PKNOX2: variants seen among roughly 807,000 people sequenced by gnomAD.
PKNOX2 encodes the protein PBX/knotted 1 homeobox 2.
A neutral mutation model predicts 53.1 loss-of-function variants in PKNOX2; 14 were observed. The observed-to-expected ratio is 0.26, with a 90% CI of 0.17 to 0.41. The LOEUF is 0.41. Ranked by LOEUF, PKNOX2 falls within the 10% of genes least tolerant of loss-of-function variation. PKNOX2 has a pLI of 1.00. For missense variants in PKNOX2, 496 were observed against 602.8 expected (o/e 0.82, Z 1.85); for synonymous variants, 257 against 242.8 (o/e 1.06, Z -0.54).
intron 2 of PKNOX2, among the ~76,000 whole-genome samples, chr11:125,308,815 G>A (rs552502449): frequency 6.6e-6 from 1 of 152,162 alleles, no homozygotes; most frequent in Admixed American, 6.5e-5. Flanking sequence ...AGGGGAAATT[G>A]GTCTCTCTGT....
chr11:125,221,899 C>A (rs1030341763), intron 1 of PKNOX2, among the ~76,000 whole-genome samples: 1 of 152,194 alleles, frequency 6.6e-6, no homozygotes, highest in Non-Finnish European at 1.5e-5. Flanking sequence ...ACTGCCCGCC[C>A]GGGCTGTAGA....
chr11:125,199,426 A>G (rs897506377), intron 1 of PKNOX2, among the ~76,000 whole-genome samples: 1 of 152,222 alleles, frequency 6.6e-6, no homozygotes, highest in Non-Finnish European at 1.5e-5. Context: ...ATTCAGTGCT[A>G]ATTAAATATA....
intron 2 of PKNOX2, among the ~76,000 whole-genome samples, chr11:125,253,329 A>G (rs967799900): frequency 4.7e-4 from 71 of 152,164 alleles, no homozygotes; most frequent in Non-Finnish European, 1.6e-4. Context: ...AGGCACAGGG[A>G]GAAGTACGCA....
intron 6 of PKNOX2, among the ~76,000 whole-genome samples, chr11:125,387,496 A>G (rs1291154076): frequency 6.6e-6 from 1 of 152,072 alleles, no homozygotes; most frequent in Admixed American, 6.6e-5. Flanking sequence ...CAGCCTGGAA[A>G]ACGCCCAGGT....
At chr11:125,395,695 C>T (rs1292356521) in intron 6 of PKNOX2, among the ~76,000 whole-genome samples, 1 of 152,160 alleles carries the variant, frequency 6.6e-6, no homozygotes, top group Non-Finnish European at 1.5e-5. Context: ...AATATCTTCT[C>T]TTGTGCTTAT....
chr11:125,364,415 G>T (rs1445218379), intron 4 of PKNOX2, among the ~76,000 whole-genome samples: 1 of 152,070 alleles, frequency 6.6e-6, no homozygotes, highest in African/African-American at 2.4e-5. Flanking sequence ...GACCATTTTT[G>T]ATTTACATTT....
In PKNOX2 at chr11:125,165,201, A is replaced by G. The variant is rs889549644; in HGVS notation, c.-201+425A>G. Among the ~76,000 whole-genome samples the G allele has an allele frequency of 1.3e-5, 2 of 150,958 alleles. No individual in the cohort carries two copies. Among genetic ancestry groups the G allele is most frequent in the Non-Finnish European group, 3.0e-5 (2 of 67,724 alleles). ...CGCTTGGGCCCGTGGCCGGCCGCGC[A>G]TTGTCCTCGGGTGCAAGGAGCCGGG... On this transcript the variant is annotated intron_variant, in intron 1 of 12. Coordinates refer to ENST00000298282, the MANE Select transcript of PKNOX2 (RefSeq NM_001382323.2). The surrounding 1 kb of genome is among the most constrained non-coding windows in gnomAD (Gnocchi z 4.5).
chr11:125,408,802 C>T (rs1012701569), intron 7 of PKNOX2, among the ~76,000 whole-genome samples: 2 of 152,142 alleles, frequency 1.3e-5, no homozygotes, highest in African/African-American at 4.8e-5. Flanking sequence ...CAGTCACTGG[C>T]TCGAGGTTTC....
rs1426220977 is a variant in PKNOX2, at chr11:125,370,513, T to G, written c.227+2528T>G. Among the ~76,000 whole-genome samples the G allele has an allele frequency of 6.6e-6, 1 of 152,234 alleles. No individual in the cohort carries two copies. Among genetic ancestry groups the G allele is most frequent in the African/African-American group, 2.4e-5 (1 of 41,462 alleles). On this transcript the variant is annotated intron_variant, in intron 5 of 12. Coordinates refer to ENST00000298282, the MANE Select transcript of PKNOX2 (RefSeq NM_001382323.2). The surrounding 1 kb of genome is among the most constrained non-coding windows in gnomAD (Gnocchi z 4.1). ...GCTAACCACCCGCAACCCTTGGTGT[T>G]TGCCCAAAGTATGTCTGCAGCTGTC... is the stretch of plus-strand genomic sequence containing the variant.
At position 125,430,027 on chromosome 11, in the gene PKNOX2, C is replaced by G; in HGVS notation, c.1078C>G (p.Pro360Ala). The stretch of plus-strand genomic sequence containing the variant: ...TGATGCCAGCAACCCAGATCCTGCC[C>G]CCAAAGCCAAGAAGATCAAGTCTCA... Reference protein sequence around the residue: ...MLDASNPDPAPKAKKIKSQHR... With the variant: ...MLDASNPDPAAKAKKIKSQHR... Residue 360 changes from proline (P) to alanine (A), a missense_variant, in exon 12 of 13, where the codon CCC becomes GCC. Pro to Ala is a conservative substitution (Grantham distance 27). Around this residue, in one of 5 missense-constraint regions of PKNOX2, gnomAD observed 139 missense variants for 161.3 expected, o/e 0.86. Transcript: ENST00000298282. The G allele has an allele frequency of 6.2e-7, 1 of 1,614,184 alleles. No homozygotes were observed. Among genetic ancestry groups the G allele is most frequent in the Non-Finnish European group, 8.5e-7 (1 of 1,180,026 alleles).
intron 2 of PKNOX2, among the ~76,000 whole-genome samples, chr11:125,235,811 G>A (rs1942626798): frequency 6.6e-6 from 1 of 152,160 alleles, no homozygotes; most frequent in African/African-American, 2.4e-5. Flanking sequence ...CCCCACCTCT[G>A]GCTGTCACAT....
chr11:125,220,262 T>C (rs1446364501), intron 1 of PKNOX2, among the ~76,000 whole-genome samples: 1 of 152,208 alleles, frequency 6.6e-6, no homozygotes, highest in African/African-American at 2.4e-5. Context: ...TCTTACACTT[T>C]TTGATTTTTG....
At chr11:125,213,228 T>C (rs601589) in intron 1 of PKNOX2, among the ~76,000 whole-genome samples, 106,270 of 151,316 alleles carry the variant, frequency 0.7, 37,636 homozygotes, top group East Asian at 0.77. Flanking sequence ...TGCCACCTCT[T>C]CCTGCCCTTT....
chr11:125,350,942 C>T (rs973026171), intron 3 of PKNOX2, among the ~76,000 whole-genome samples: 2 of 152,160 alleles, frequency 1.3e-5, no homozygotes, highest in Non-Finnish European at 2.9e-5. Context: ...AAATGGCCTC[C>T]AGTCCCCCGG....
At chr11:125,312,384 C>T (rs1395863286) in intron 2 of PKNOX2, among the ~76,000 whole-genome samples, 1 of 152,216 alleles carries the variant, frequency 6.6e-6, no homozygotes. Context: ...GATCCAAGCC[C>T]ATTTCAGTTG....
chr11:125,222,800 T>TGCGC (rs1555120848), intron 1 of PKNOX2, among the ~76,000 whole-genome samples: 1 of 151,856 alleles, frequency 6.6e-6, no homozygotes, highest in Admixed American at 6.6e-5. Context: ...TGTGTGTGTG[T>TGCGC]GTGCGTGTGT....
At chr11:125,220,082 A>C (rs1392510885) in intron 1 of PKNOX2, among the ~76,000 whole-genome samples, 1 of 152,196 alleles carries the variant, frequency 6.6e-6, no homozygotes, top group East Asian at 1.9e-4. Flanking sequence ...GAAATGAGAA[A>C]GTTTTCTTTG....
At chr11:125,340,964 C>T (rs1047196673) in intron 3 of PKNOX2, among the ~76,000 whole-genome samples, 8 of 148,694 alleles carry the variant, frequency 5.4e-5, no homozygotes, top group South Asian at 2.1e-4. Context: ...GTGGGAGAAT[C>T]GCTTGAACCC....
intron 6 of PKNOX2, among the ~76,000 whole-genome samples, chr11:125,389,755 T>C (rs1953915152): frequency 6.6e-6 from 1 of 152,232 alleles, no homozygotes; most frequent in Non-Finnish European, 1.5e-5. Context: ...TTTCAAACCG[T>C]GGCTGTAAAA....
Sources: gnomAD v4.1 joint callset for allele counts (sites outside exome capture counted in the v4.1 genomes callset) on GRCh38, gnomAD v4.1.1 for gene constraint, gnomAD v4.1.1 regional missense constraint, Gnocchi (gnomAD v3.1) non-coding constraint, MANE v1.5 for transcripts, NCBI Gene and HGNC (gene_info 2026-07-23, HGNC 2026-07-21) for gene names.